The following DDR1 variants were observed in gnomAD, a reference collection of about 807,000 sequenced individuals.
DDR1 encodes the protein discoidin domain receptor tyrosine kinase 1.
Under a neutral mutation model 97.4 loss-of-function variants are expected in DDR1, and 64 were observed. That is an observed-to-expected ratio of 0.66 (90% CI 0.54 to 0.81). The LOEUF (loss-of-function observed/expected upper bound fraction) is 0.81. DDR1 is among the 30% of genes least tolerant of loss of function. The pLI, the probability that DDR1 is intolerant of heterozygous loss-of-function variation, is 0.00. For missense variants in DDR1, 990 were observed against 1,259.6 expected (o/e 0.79, Z 3.24); for synonymous variants, 458 against 503.7 (o/e 0.91, Z 1.21).
Position 30,889,415 on chromosome 6 carries a change from C to T in DDR1, c.402C>T (p.Asp134=). The change falls in exon 4 of 18, where the codon GAC becomes GAT. Residue 134 remains aspartate (D), a synonymous_variant. Coordinates refer to ENST00000376568, the MANE Select transcript of DDR1 (RefSeq NM_001297654.2). This position sits in a 1 kb window ranked among gnomAD's most constrained non-coding sequence, Gnocchi z 4.9. The part of the protein sequence containing the change: ...RDGRRWMGWK[D]RWGQEVISGN... ...GTCGCCGCTGGATGGGCTGGAAGGA[C>T]CGCTGGGGTCAGGAGGTGAGACTGG... 6.4e-7 allele frequency: 1 copy of T among 1,554,770 alleles called. No homozygotes were observed.
In DDR1 at chr6:30,896,719, G is replaced by A; in HGVS notation, c.1723G>A (p.Val575Ile). Residue 575 changes from valine to isoleucine, a missense_variant, in exon 13 of 18, where the codon GTT becomes ATT. Physicochemically the swap from Val to Ile is conservative, Grantham distance 29 (BLOSUM62 3). Coordinates refer to ENST00000376568, the MANE Select transcript of DDR1 (RefSeq NM_001297654.2). ...CCCCCATTATGCCGAGGCTGACATT[G>A]TTACCCTGCAGGGCGTCACCGGGGG... ...SVPHYAEADI[V>I]TLQGVTGGNT... 2 of 1,605,346 alleles carry A rather than the reference G, an allele frequency of 1.2e-6. No homozygotes were observed. The highest frequency in any genetic ancestry group is 8.5e-7 in the Non-Finnish European group (1 of 1,175,712).
chr6:30,893,444 T>C (rs763712134), intron 10 of DDR1, 21 bp downstream of exon 10: 1 of 1,593,168 alleles, frequency 6.3e-7, no homozygotes. Flanking sequence ...CCGTGGCATG[T>C]GGAGTGGCGG....
Position 30,892,812 on chromosome 6 carries a change from A to G in DDR1, c.1100-256A>G, listed in dbSNP as rs934504003. The G allele has an allele frequency of 6.8e-6, 4 of 585,260 alleles. No homozygotes were observed. The African/African-American group carries it at 7.5e-5, about 11-fold the overall frequency. 36.3% of individuals were successfully genotyped at this position (585,260 alleles called of 1,614,324 possible). On this transcript the variant is annotated intron_variant, in intron 8 of 17. Transcript: ENST00000376568. Reference sequence around the variant, plus strand: ...TGTTAAAATATTGAAATACTTCTGTATTAGTTGAGAAATAGCCTCTTCTCT... The same window carrying G: ...TGTTAAAATATTGAAATACTTCTGTGTTAGTTGAGAAATAGCCTCTTCTCT...
chr6:30,891,310 C>A lies in DDR1; in HGVS notation c.566-70C>A. On this transcript the variant is annotated intron_variant, in intron 5 of 17. Transcript: ENST00000376568. The surrounding 1 kb of genome is among the most constrained non-coding windows in gnomAD (Gnocchi z 5.3). Reference sequence around the variant, plus strand: ...ATACAAGAAGGGACCTGAAACCTGCCCAGGCCTGATGCAGGGATGGGGGAT... The same window carrying A: ...ATACAAGAAGGGACCTGAAACCTGCACAGGCCTGATGCAGGGATGGGGGAT... The A allele has an allele frequency of 6.8e-7, 1 of 1,460,526 alleles. No homozygotes were observed. The highest frequency in any genetic ancestry group is 9.5e-7 in the Non-Finnish European group (1 of 1,053,014). 90.5% of individuals were successfully genotyped at this position (1,460,526 alleles called of 1,614,324 possible).
At chr6:30,898,566 G>A (rs1287573182) in intron 16 of DDR1, among the ~76,000 whole-genome samples, 3 of 152,212 alleles carry the variant, frequency 2.0e-5, no homozygotes, top group Non-Finnish European at 4.4e-5. Context: ...GAGGTTGGGC[G>A]AGGAAGCTGG....
chr6:30,894,764 A>G lies in DDR1; in HGVS notation c.1513+93A>G. On this transcript the variant is annotated intron_variant, in intron 11 of 17. Transcript: ENST00000376568. This position sits in a 1 kb window ranked among gnomAD's most constrained non-coding sequence, Gnocchi z 5.7. ...ATTCTCTTTTTTTCCTGTCTTCCCCAGTTTCCACTTGTTTTCTTCTTTCTG... is the reference window on the plus strand; with the variant it reads ...ATTCTCTTTTTTTCCTGTCTTCCCCGGTTTCCACTTGTTTTCTTCTTTCTG... 1 of 1,373,068 alleles carries G rather than the reference A, an allele frequency of 7.3e-7. No individual in the cohort carries two copies. The highest frequency in any genetic ancestry group is 2.5e-5 in the East Asian group (1 of 40,606). 85.1% of individuals were successfully genotyped at this position (1,373,068 alleles called of 1,614,324 possible).
Position 30,889,493 on chromosome 6 carries a change from A to C in DDR1, c.417+63A>C. The C allele has an allele frequency of 8.2e-7, 1 of 1,213,094 alleles. No homozygotes were observed. 75.1% of individuals were successfully genotyped at this position (1,213,094 alleles called of 1,614,324 possible). ...TCTCCTCACTTCCAGCTGTACTTTA[A>C]ACACCACCTATACGCTGACGACTCT... On this transcript the variant is annotated intron_variant, in intron 4 of 17. Transcript: ENST00000376568. The surrounding 1 kb of genome is among the most constrained non-coding windows in gnomAD (Gnocchi z 4.9).
At chr6:30,899,077 G>T in intron 17 of DDR1, 40 bp downstream of exon 17, 1 of 1,614,146 alleles carries the variant, frequency 6.2e-7, no homozygotes, top group South Asian at 1.1e-5. Flanking sequence ...CGAGGCGGGG[G>T]ACAGAAGGGG....
At position 30,899,423 on chromosome 6, in the gene DDR1, T is replaced by C. The variant is rs1404486675; in HGVS notation, c.*127T>C. 5.4e-6 allele frequency: 7 copies of C among 1,286,542 alleles called. No homozygotes were observed. Among genetic ancestry groups the C allele is most frequent in the Non-Finnish European group, 5.2e-6 (5 of 954,546 alleles). The allele number at this position is 1,286,542 out of a possible 1,614,324, so 79.7% of individuals were successfully genotyped here. On this transcript the variant is annotated 3_prime_UTR_variant, in exon 18 of 18. Coordinates refer to ENST00000376568, the MANE Select transcript of DDR1 (RefSeq NM_001297654.2). ...AGCCCATCACCTCTAATAGAGGCAG[T>C]GAGACTGCAGGTGGGCTGGGCCCAC... is the stretch of plus-strand genomic sequence containing the variant.
In DDR1 at chr6:30,898,203, G is replaced by C. The variant is rs531908040; in HGVS notation, c.2347G>C (p.Ala783Pro). Residue 783 changes from alanine (A) to proline (P), a missense_variant, in exon 16 of 18, where the codon GCA becomes CCA. Transcript: ENST00000376568. ...TGGGGAAAATTTCACCATCAAAATC[G>C]CAGACTTTGGCATGAGCCGGAACCT... ...LVGENFTIKI[A>P]DFGMSRNLYA... The C allele has an allele frequency of 6.2e-7, 1 of 1,614,244 alleles. No homozygotes were observed. The highest frequency in any genetic ancestry group is 1.7e-5 in the Admixed American group (1 of 60,036).
rs1413250506 is a variant in DDR1 at position 30,892,505 on chromosome 6, G to T, written c.1062G>T (p.Gly354=). 6.2e-7 allele frequency: 1 copy of T among 1,606,418 alleles called. No individual in the cohort carries two copies. Among genetic ancestry groups the T allele is most frequent in the African/African-American group, 1.3e-5 (1 of 74,914 alleles). Residue 354 remains glycine (G), a synonymous_variant, in exon 8 of 18, where the codon GGG becomes GGT. Transcript: ENST00000376568. ...RFLQCRFLFA[G]PWLLFSEISF... ...TGCAGTGCCGCTTCCTCTTTGCGGGGCCCTGGTTACTCTTCAGCGAAATCT... is the reference window on the plus strand; with the variant it reads ...TGCAGTGCCGCTTCCTCTTTGCGGGTCCCTGGTTACTCTTCAGCGAAATCT...
chr6:30,885,894 G>T, intron 1 of DDR1: 1 of 1,161,722 alleles, frequency 8.6e-7, no homozygotes, highest in South Asian at 1.3e-5. Flanking sequence ...TGGGAGAGGA[G>T]CGTGAAGGGC....
At position 30,884,970 on chromosome 6, in the gene DDR1, C is replaced by T. The variant is rs9468842; in HGVS notation, c.-43+260C>T. 125,746 of 479,406 alleles carry T rather than the reference C, an allele frequency of 0.26. 20,785 individuals carry two copies. The highest frequency in any genetic ancestry group is 0.58 in the East Asian group (19,388 of 33,178). The allele number at this position is 479,406 out of a possible 1,614,324, so 29.7% of individuals were successfully genotyped here. A position where few individuals can be genotyped will look rare whatever the true frequency, so the allele number is the denominator to read the frequency against. ...GAGCCTCCAGCCTTGAGGCAAGTCC[C>T]CTCTCACTCAGTGCGGAGGAACTGA... On this transcript the variant is annotated intron_variant, in intron 1 of 17. Transcript: ENST00000376568. This position sits in a 1 kb window ranked among gnomAD's most constrained non-coding sequence, Gnocchi z 6.1.
intron 12 of DDR1, 41 bp from the exon 13 acceptor site, chr6:30,896,580 C>T: frequency 6.3e-7 from 1 of 1,590,654 alleles, no homozygotes; most frequent in Non-Finnish European, 8.6e-7. Flanking sequence ...TTGGGCTGTT[C>T]CTGATGCCTC....
chr6:30,893,088 C>T lies in DDR1; in HGVS notation c.1120C>T (p.Pro374Ser). The change falls in exon 9 of 18, where the codon CCG becomes TCG. Residue 374 changes from proline (P) to serine (S), a missense_variant. By Grantham distance (74) the Pro-to-Ser change is moderately conservative. Coordinates refer to ENST00000376568, the MANE Select transcript of DDR1 (RefSeq NM_001297654.2). The stretch of plus-strand genomic sequence containing the variant: ...CCCAGATGTGGTGAACAATTCCTCT[C>T]CGGCACTGGGAGGCACCTTCCCGCC... ...FISDVVNNSS[P>S]ALGGTFPPAP... is the part of the protein sequence containing the mutation. The T allele has an allele frequency of 1.9e-6, 3 of 1,612,574 alleles. No homozygotes were observed. Among genetic ancestry groups the T allele is most frequent in the Non-Finnish European group, 2.5e-6 (3 of 1,179,906 alleles).
Position 30,897,041 on chromosome 6 carries a change from C to G in DDR1, c.1897C>G (p.Gln633Glu). Residue 633 changes from glutamine (Q) to glutamate (E), a missense_variant, in exon 14 of 18, where the codon CAA (glutamine) becomes GAA (glutamate). Physicochemically the swap from Gln to Glu is conservative, Grantham distance 29. Coordinates refer to ENST00000376568, the MANE Select transcript of DDR1 (RefSeq NM_001297654.2). This position sits in a 1 kb window ranked among gnomAD's most constrained non-coding sequence, Gnocchi z 5.2. ...EVHLCEVDSP[Q>E]DLVSLDFPLN... Reference sequence around the variant, plus strand: ...GCACCTGTGTGAGGTCGACAGCCCTCAAGATCTGGTTAGTCTTGATTTCCC... The same window carrying G: ...GCACCTGTGTGAGGTCGACAGCCCTGAAGATCTGGTTAGTCTTGATTTCCC... 1.2e-6 allele frequency: 2 copies of G among 1,613,510 alleles called. No individual in the cohort carries two copies. The highest frequency in any genetic ancestry group is 1.7e-6 in the Non-Finnish European group (2 of 1,179,682).
At chr6:30,893,489 G>T (rs1282361818) in intron 10 of DDR1, 66 bp downstream of exon 10, 1 of 1,542,294 alleles carries the variant, frequency 6.5e-7, no homozygotes, top group African/African-American at 1.4e-5. Flanking sequence ...CCAGCGTCCA[G>T]TGGGACCTGC....
At chr6:30,895,843 ACT>A (rs1165828886) in intron 12 of DDR1, among the ~76,000 whole-genome samples, 2 of 150,138 alleles carry the variant, frequency 1.3e-5, no homozygotes, top group African/African-American at 2.5e-5. Context: ...TTTATTCTCC[ACT>A]CTCTCTAGAG....
Position 30,898,904 on chromosome 6 carries a change from C to G in DDR1, c.2468C>G (p.Ala823Gly), listed in dbSNP as rs368093405. ...ECILMGKFTT[A>G]SDVWAFGVTL... ...GCATCCCAGGGGAAGTTCACGACTG[C>G]GAGTGACGTGTGGGCCTTTGGTGTG... The change falls in exon 17 of 18, where the codon GCG becomes GGG. Residue 823 changes from alanine to glycine, a missense_variant. Ala to Gly is a moderately conservative substitution (Grantham distance 60). Coordinates refer to ENST00000376568, the MANE Select transcript of DDR1 (RefSeq NM_001297654.2). 2 of 1,607,566 alleles carry G rather than the reference C, an allele frequency of 1.2e-6. No individual in the cohort carries two copies. Among genetic ancestry groups the G allele is most frequent in the Non-Finnish European group, 1.7e-6 (2 of 1,174,830 alleles).
Sources: allele counts gnomAD v4.1 joint callset (sites outside exome capture counted in the v4.1 genomes callset), GRCh38; gene constraint gnomAD v4.1.1; non-coding constraint Gnocchi (gnomAD v3.1); transcripts MANE v1.5; gene names NCBI Gene and HGNC (gene_info 2026-07-23, HGNC 2026-07-21).